The following TRHDE variants were observed in gnomAD, a reference collection of about 807,000 sequenced individuals.
TRHDE encodes thyrotropin-releasing hormone-degrading ectoenzyme.
TRHDE carries 72 observed loss-of-function variants against 125.7 expected under a neutral mutation model. The ratio of observed to expected loss-of-function variants is 0.57; its 90% CI spans 0.47 to 0.70. The LOEUF is 0.70. Among genes scored for constraint, TRHDE ranks in the 30% least tolerant of loss-of-function variants. The pLI, the probability that TRHDE is intolerant of heterozygous loss-of-function variation, is 0.00. For missense variants in TRHDE, 1,110 were observed against 1,327.1 expected, an observed-to-expected ratio of 0.84 and a Z score of 2.54; for synonymous variants, 509 against 509.1, an observed-to-expected ratio of 1.00 and a Z score of 0.00.
At chr12:72,654,900 C>A (rs1393990975) in intron 17 of TRHDE, among the ~76,000 whole-genome samples, 1 of 152,162 alleles carries the variant, frequency 6.6e-6, no homozygotes, top group Non-Finnish European at 1.5e-5. Flanking sequence ...CTCTTCCCTT[C>A]ATCCCAAGAA....
chr12:72,666,297 C>G lies in TRHDE; in HGVS notation c.*3102C>G, dbSNP rs1358783850. ...GGCACAGTGGCTCATGCCTGTAATC[C>G]CAGCACTTTGGGAGGCTGAGGGTGG... On this transcript the variant is annotated 3_prime_UTR_variant, in exon 19 of 19. Coordinates refer to ENST00000261180, the MANE Select transcript of TRHDE (RefSeq NM_013381.3). The G allele has an allele frequency of 6.6e-6, 1 of 152,030 alleles. No individual in the cohort carries two copies. The highest frequency in any genetic ancestry group is 6.6e-5 in the Admixed American group (1 of 15,226). The allele number at this position is 152,030 out of a possible 1,614,324, so 9.4% of individuals were successfully genotyped here.
intron 3 of TRHDE, among the ~76,000 whole-genome samples, chr12:72,405,717 C>T (rs1460285987): frequency 3.9e-5 from 6 of 151,962 alleles, no homozygotes; most frequent in African/African-American, 9.7e-5. Context: ...TTGATATTTC[C>T]GAAAGGGAAA....
At chr12:72,497,884 A>G (rs1877986198) in intron 5 of TRHDE, among the ~76,000 whole-genome samples, 2 of 152,176 alleles carry the variant, frequency 1.3e-5, no homozygotes, top group Non-Finnish European at 2.9e-5. Context: ...CATAAGGTCT[A>G]ATTCTACTCT....
intron 6 of TRHDE, among the ~76,000 whole-genome samples, chr12:72,511,719 T>C (rs561497564): frequency 6.6e-6 from 1 of 152,274 alleles, no homozygotes; most frequent in Non-Finnish European, 1.5e-5. Flanking sequence ...TTTCACCGAT[T>C]CATCATCATT....
At chr12:72,322,936 G>A (rs1226195676) in intron 2 of TRHDE, among the ~76,000 whole-genome samples, 1 of 152,106 alleles carries the variant, frequency 6.6e-6, no homozygotes, top group Non-Finnish European at 1.5e-5. Flanking sequence ...CTGATTAGCT[G>A]TGTAATATTG....
At chr12:72,238,190 C>T (rs957525820) in intron 2 of TRHDE, among the ~76,000 whole-genome samples, 4 of 144,238 alleles carry the variant, frequency 2.8e-5, no homozygotes, top group African/African-American at 7.8e-5. Context: ...TAGAAGCCAT[C>T]GTAATAAGTT....
chr12:72,102,275 A>C (rs1271342603), intron 1 of TRHDE, among the ~76,000 whole-genome samples: 1 of 152,174 alleles, frequency 6.6e-6, no homozygotes, highest in Non-Finnish European at 1.5e-5. Context: ...GGAGGGTGAC[A>C]GAGGGACATG....
chr12:72,570,363 T>G (rs546758774), intron 10 of TRHDE, among the ~76,000 whole-genome samples: 1 of 152,148 alleles, frequency 6.6e-6, no homozygotes, highest in South Asian at 2.1e-4. Context: ...GGTGGATCAC[T>G]TGAGATCAGG....
chr12:72,189,154 A>G (rs1592476260), intron 2 of TRHDE, among the ~76,000 whole-genome samples: 1 of 152,242 alleles, frequency 6.6e-6, no homozygotes, highest in East Asian at 1.9e-4. Context: ...GATTGTCAGT[A>G]AATATTACAG....
At chr12:72,151,370 C>A (rs966052178) in intron 2 of TRHDE, among the ~76,000 whole-genome samples, 3 of 152,096 alleles carry the variant, frequency 2.0e-5, no homozygotes, top group African/African-American at 7.2e-5. Flanking sequence ...ATGGTAGTTT[C>A]TTTTGCTGTG....
At chr12:72,265,427 G>A (rs1879045153) in intron 2 of TRHDE, among the ~76,000 whole-genome samples, 3 of 151,850 alleles carry the variant, frequency 2.0e-5, no homozygotes, top group Admixed American at 1.3e-4. Context: ...TGTAGCCTTG[G>A]TGTGTAACCC....
At chr12:72,659,128 A>T (rs1375082988) in intron 18 of TRHDE, among the ~76,000 whole-genome samples, 1 of 152,208 alleles carries the variant, frequency 6.6e-6, no homozygotes, top group Non-Finnish European at 1.5e-5. Flanking sequence ...CTGAAAACTC[A>T]TTCCAGATTT....
intron 15 of TRHDE, among the ~76,000 whole-genome samples, chr12:72,632,390 G>C (rs892026934): frequency 2.0e-5 from 3 of 151,930 alleles, no homozygotes; most frequent in African/African-American, 7.2e-5. Context: ...GAGTTGAAAA[G>C]CCAAGGATAA....
At chr12:72,337,382 C>T (rs1180279267) in intron 2 of TRHDE, among the ~76,000 whole-genome samples, 2 of 152,176 alleles carry the variant, frequency 1.3e-5, no homozygotes, top group African/African-American at 4.8e-5. Flanking sequence ...CAGTATATCC[C>T]AGGCAGGAGC....
chr12:72,639,534 G>A (rs529138508), intron 15 of TRHDE, among the ~76,000 whole-genome samples: 35 of 152,188 alleles, frequency 2.3e-4, no homozygotes, highest in African/African-American at 7.7e-4. Context: ...GCTTTGTTCC[G>A]TTGCTGGTGA....
At chr12:72,401,919 T>C (rs1248992531) in intron 3 of TRHDE, among the ~76,000 whole-genome samples, 1 of 152,184 alleles carries the variant, frequency 6.6e-6, no homozygotes, top group Non-Finnish European at 1.5e-5. Flanking sequence ...GGTAGTGGGT[T>C]TGAAGCTTAA....
intron 2 of TRHDE, among the ~76,000 whole-genome samples, chr12:72,247,501 C>T (rs1878596898): frequency 6.6e-6 from 1 of 150,822 alleles, no homozygotes; most frequent in South Asian, 2.1e-4. Flanking sequence ...GATGGGTACT[C>T]TGAGCCTCAG....
In TRHDE at chr12:72,309,309, AAG is replaced by A. The variant is rs1592534654; in HGVS notation, c.1188+22360_1188+22361del. Among the ~76,000 whole-genome samples, 4 of 152,296 alleles carry A rather than the reference AAG, an allele frequency of 2.6e-5. No individual in the cohort carries two copies. In the East Asian group the frequency reaches 7.7e-4, roughly 29 times the overall value. On this transcript the variant is annotated intron_variant, in intron 2 of 18. Transcript: ENST00000261180. ...CTGTTTGTGAAGAGAAAGTGTGAGA[AAG>A]AGAGGTAGTCAGACACAATTAAGGG... is the stretch of plus-strand genomic sequence containing the variant.
chr12:72,449,490 CT>C (rs141179661), intron 3 of TRHDE, among the ~76,000 whole-genome samples: 6,079 of 151,712 alleles, frequency 0.04, 444 homozygotes, highest in African/African-American at 0.14. Context: ...CTTCAAAAAG[CT>C]TTTTAAAACA....
Sources: allele counts gnomAD v4.1 joint callset (sites outside exome capture counted in the v4.1 genomes callset), GRCh38; gene constraint gnomAD v4.1.1; transcripts MANE v1.5; gene names NCBI Gene and HGNC (gene_info 2026-07-23, HGNC 2026-07-21).